Variants in RPS6KA6 observed in about 807,000 individuals in gnomAD.
The protein encoded by RPS6KA6 is ribosomal protein S6 kinase A6.
Under a neutral mutation model 65.4 loss-of-function variants are expected in RPS6KA6, and 27 were observed. The observed-to-expected ratio is 0.41, with a 90% CI of 0.30 to 0.57. RPS6KA6 has a LOEUF of 0.57. Ranked by LOEUF, RPS6KA6 falls within the 20% of genes least tolerant of loss-of-function variation. The pLI is 0.24. For missense variants in RPS6KA6, 486 were observed against 555.6 expected, an observed-to-expected ratio of 0.87 and a Z score of 1.26; for synonymous variants, 190 against 184.2, an observed-to-expected ratio of 1.03 and a Z score of -0.26.
chrX:84,170,255 T>C (rs987373671), intron 1 of RPS6KA6, among the ~76,000 whole-genome samples: 1 of 110,645 alleles, frequency 9.0e-6, no homozygotes, highest in African/African-American at 3.3e-5. Flanking sequence ...AAAGAAGACT[T>C]CTTCTATTCA....
At chrX:84,102,330 G>A (rs12690079) in intron 17 of RPS6KA6, 132 bp from the exon 18 acceptor site, 22,333 of 347,423 alleles carry the variant, frequency 0.064, 905 homozygotes, top group East Asian at 0.27. Flanking sequence ...TTTTGAAAAT[G>A]ACATTTTGCT....
chrX:84,083,414 G>T (rs1227642049), intron 20 of RPS6KA6, among the ~76,000 whole-genome samples: 1 of 112,163 alleles, frequency 8.9e-6, no homozygotes. Flanking sequence ...CCCAGTGTGT[G>T]TTGTTCTCCG....
intron 5 of RPS6KA6, among the ~76,000 whole-genome samples, 177 bp downstream of exon 5, chrX:84,146,801 C>T (rs774962847): frequency 9.0e-6 from 1 of 110,998 alleles, no homozygotes; most frequent in African/African-American, 3.3e-5. Flanking sequence ...GGACATATAA[C>T]TAATAACTAA....
chrX:84,165,226 C>T (rs965067980), intron 1 of RPS6KA6, among the ~76,000 whole-genome samples: 1 of 109,305 alleles, frequency 9.1e-6, no homozygotes, highest in Non-Finnish European at 1.9e-5. Flanking sequence ...AACAGGAAGA[C>T]GAACTAGATA....
intron 20 of RPS6KA6, among the ~76,000 whole-genome samples, chrX:84,089,336 T>C (rs1313312023): frequency 8.9e-5 from 10 of 112,047 alleles, no homozygotes; most frequent in Non-Finnish European, 1.5e-4. Flanking sequence ...CTGTTGCTGC[T>C]GGTTGGCTGG....
At chrX:84,096,009 G>A (rs1184800205) in intron 20 of RPS6KA6, among the ~76,000 whole-genome samples, 185 bp downstream of exon 20, 1 of 111,465 alleles carries the variant, frequency 9.0e-6, no homozygotes, top group Non-Finnish European at 1.9e-5. Flanking sequence ...AAAGGAAGGT[G>A]GCCCAGAAAC....
intron 8 of RPS6KA6, 25 bp downstream of exon 8, chrX:84,134,757 G>A: frequency 9.9e-7 from 1 of 1,012,031 alleles, no homozygotes; most frequent in African/African-American, 1.9e-5. Context: ...AAGTGGCTAA[G>A]GGTATAATAA....
At chrX:84,159,618 T>C (rs1463134345) in intron 2 of RPS6KA6, among the ~76,000 whole-genome samples, 2 of 110,871 alleles carry the variant, frequency 1.8e-5, no homozygotes, top group African/African-American at 3.3e-5. Context: ...AATTTGAGGA[T>C]AGAGAACTTT....
chrX:84,102,157 C>G lies in RPS6KA6; in HGVS notation c.1656G>C (p.Met552Ile), dbSNP rs1174553110. 8.5e-7 allele frequency: 1 copy of G among 1,174,594 alleles called. No individual in the cohort carries two copies. Among genetic ancestry groups the G allele is most frequent in the Non-Finnish European group, 1.1e-6 (1 of 873,765 alleles). Residue 552 changes from methionine (M) to isoleucine (I), a missense_variant, in exon 18 of 22, where the codon ATG (methionine) becomes ATC (isoleucine). By Grantham distance (10) the Met-to-Ile change is conservative. Around this residue, in one of 3 missense-constraint regions of RPS6KA6, gnomAD observed 345 missense variants for 375.0 expected, o/e 0.92. Coordinates refer to ENST00000262752, the MANE Select transcript of RPS6KA6 (RefSeq NM_014496.5). ...TTGAATCTGCACTGGCTGATTCATCCATGTATAAAATATTACTAGGTTTAA... is the reference window on the plus strand; with the variant it reads ...TTGAATCTGCACTGGCTGATTCATCGATGTATAAAATATTACTAGGTTTAA... ...RDLKPSNILY[M>I]DESASADSIR...
At chrX:84,082,500 C>A (rs1418543172) in intron 20 of RPS6KA6, among the ~76,000 whole-genome samples, 1 of 111,705 alleles carries the variant, frequency 9.0e-6, no homozygotes, top group Non-Finnish European at 1.9e-5. Context: ...AGAATCAATA[C>A]CGTGAAAATG....
At position 84,059,685 on chromosome X, in the gene RPS6KA6, AC is replaced by A. The variant is rs2033270147; in HGVS notation, c.*4591del. The A allele has an allele frequency of 8.9e-6, 1 of 111,766 alleles. No individual in the cohort carries two copies. The highest frequency in any genetic ancestry group is 3.3e-5 in the African/African-American group (1 of 30,760). The allele number at this position is 111,766 out of a possible 1,213,427, so 9.2% of individuals were successfully genotyped here. A position where few individuals can be genotyped will look rare whatever the true frequency, so the allele number is the denominator to read the frequency against. The stretch of plus-strand genomic sequence containing the variant: ...GTCCACGTAAAATTAAATGCTTAAT[AC>A]CTTTTGAAGAATAAATTATTAGTTC... On this transcript the variant is annotated 3_prime_UTR_variant, in exon 22 of 22. Transcript: ENST00000262752.
intron 8 of RPS6KA6, among the ~76,000 whole-genome samples, chrX:84,132,658 T>C (rs1006598078): frequency 6.5e-5 from 7 of 108,126 alleles, no homozygotes; most frequent in South Asian, 3.8e-4. Flanking sequence ...GGAAAAAAAC[T>C]TAAGTTTTAT....
chrX:84,096,870 T>C (rs773653106), intron 19 of RPS6KA6, among the ~76,000 whole-genome samples: 4 of 111,272 alleles, frequency 3.6e-5, no homozygotes, highest in South Asian at 3.7e-4. Context: ...TGTAGATTAA[T>C]TGTGCTTGAC....
At chrX:84,070,109 T>C (rs1266824092) in intron 20 of RPS6KA6, among the ~76,000 whole-genome samples, 1 of 112,131 alleles carries the variant, frequency 8.9e-6, no homozygotes, top group Non-Finnish European at 1.9e-5. Context: ...CACATGCACA[T>C]TTATGTTTAT....
At chrX:84,122,476 G>A (rs945433915) in intron 8 of RPS6KA6, among the ~76,000 whole-genome samples, 4 of 98,647 alleles carry the variant, frequency 4.1e-5, no homozygotes, top group Non-Finnish European at 8.0e-5. Flanking sequence ...GATTACAGGC[G>A]CCCGCCACCA....
chrX:84,160,041 G>C (rs1177465782), intron 2 of RPS6KA6, among the ~76,000 whole-genome samples: 1 of 111,052 alleles, frequency 9.0e-6, no homozygotes, highest in Non-Finnish European at 1.9e-5. Context: ...GGTTAGGGTA[G>C]CCCTAGCAAA....
intron 9 of RPS6KA6, 54 bp from the exon 10 acceptor site, chrX:84,117,508 A>C: frequency 1.3e-6 from 1 of 763,419 alleles, no homozygotes; most frequent in Non-Finnish European, 1.8e-6. Flanking sequence ...AGAATATATA[A>C]TAAGATTCTC....
chrX:84,140,911 CA>C (rs2035090399), intron 6 of RPS6KA6, among the ~76,000 whole-genome samples: 2 of 109,008 alleles, frequency 1.8e-5, no homozygotes, highest in Admixed American at 2.0e-4. Flanking sequence ...TGAAAAGCCT[CA>C]TAATTCAAAG....
chrX:84,137,751 A>G (rs1299283975), intron 6 of RPS6KA6, among the ~76,000 whole-genome samples: 1 of 112,042 alleles, frequency 8.9e-6, no homozygotes, highest in Non-Finnish European at 1.9e-5. Context: ...TTTTTTGTGA[A>G]TTATCAGTAA....
Sources: allele counts gnomAD v4.1 joint callset (sites outside exome capture counted in the v4.1 genomes callset), GRCh38; gene constraint gnomAD v4.1.1; regional missense constraint gnomAD v4.1.1; transcripts MANE v1.5; gene names NCBI Gene and HGNC (gene_info 2026-07-23, HGNC 2026-07-21).